The following VSNL1 variants were observed in gnomAD, a reference collection of about 807,000 sequenced individuals.
VSNL1 encodes visinin like 1, also known as visinin-like protein 1.
Under a neutral mutation model 20.4 loss-of-function variants are expected in VSNL1, and 6 were observed. That is an observed-to-expected ratio of 0.29 (90% CI 0.16 to 0.58). VSNL1 has a LOEUF of 0.58. VSNL1 is among the 20% of genes least tolerant of loss of function. The pLI, the probability that VSNL1 is intolerant of heterozygous loss-of-function variation, is 0.90. For missense variants in VSNL1, 100 were observed against 234.5 expected, an observed-to-expected ratio of 0.43 and a Z score of 3.75; for synonymous variants, 93 against 86.4, an observed-to-expected ratio of 1.08 and a Z score of -0.42.
chr2:17,542,679 G>T lies in VSNL1; in HGVS notation c.-6+1761G>T, dbSNP rs185200201. 5.4e-4 allele frequency among the ~76,000 whole-genome samples: 82 copies of T among 152,276 alleles called. 2 individuals carry two copies. Among genetic ancestry groups the T allele is most frequent in the Admixed American group, 4.4e-3 (68 of 15,294 alleles). ...TTGTCATAATTGAGCCATACTCCCT[G>T]TCATCATTGAGCATTGGCATCAGTT... On this transcript the variant is annotated intron_variant, in intron 1 of 3. Transcript: ENST00000295156.
chr2:17,609,647 T>C (rs1665037205), intron 2 of VSNL1, among the ~76,000 whole-genome samples: 1 of 152,176 alleles, frequency 6.6e-6, no homozygotes, highest in Non-Finnish European at 1.5e-5. Context: ...TCAAGAGTGG[T>C]TAGTGCTAAA....
At chr2:17,552,233 A>AC (rs1283089906) in intron 1 of VSNL1, among the ~76,000 whole-genome samples, 3 of 151,342 alleles carry the variant, frequency 2.0e-5, no homozygotes, top group Non-Finnish European at 2.9e-5. Context: ...CTTAGCACGT[A>AC]CAGTGCTCTG....
At chr2:17,647,605 T>C (rs1393071245) in intron 2 of VSNL1, among the ~76,000 whole-genome samples, 1 of 152,152 alleles carries the variant, frequency 6.6e-6, no homozygotes, top group East Asian at 1.9e-4. Context: ...AGCACCTAAG[T>C]AGCATTGGGG....
intron 1 of VSNL1, among the ~76,000 whole-genome samples, chr2:17,547,111 T>C (rs934274351): frequency 2.8e-4 from 42 of 151,958 alleles, no homozygotes; most frequent in African/African-American, 9.9e-4. Flanking sequence ...CAGAGAAAAT[T>C]ATGAGAGGAA....
intron 2 of VSNL1, among the ~76,000 whole-genome samples, chr2:17,628,810 C>A (rs1361485776): frequency 6.6e-6 from 1 of 152,222 alleles, no homozygotes; most frequent in Non-Finnish European, 1.5e-5. Flanking sequence ...CTGCTGGGAT[C>A]TTCAGGGAGG....
At chr2:17,644,745 G>C (rs188053659) in intron 2 of VSNL1, among the ~76,000 whole-genome samples, 1 of 152,342 alleles carries the variant, frequency 6.6e-6, no homozygotes, top group East Asian at 1.9e-4. Flanking sequence ...CTTGTTCCAC[G>C]AGACACACTC....
chr2:17,621,234 TCTTTC>T (rs1326762066), intron 2 of VSNL1, among the ~76,000 whole-genome samples: 1 of 151,990 alleles, frequency 6.6e-6, no homozygotes, highest in Non-Finnish European at 1.5e-5. Flanking sequence ...TCTCTTTCTT[TCTTTC>T]CTTCTTTTTC....
At chr2:17,563,327 C>T (rs566581050) in intron 1 of VSNL1, among the ~76,000 whole-genome samples, 2 of 152,294 alleles carry the variant, frequency 1.3e-5, no homozygotes, top group East Asian at 3.9e-4. Flanking sequence ...CCAGCAGATT[C>T]AGGCCTGTTG....
At chr2:17,643,148 G>A (rs1665919073) in intron 2 of VSNL1, among the ~76,000 whole-genome samples, 2 of 152,132 alleles carry the variant, frequency 1.3e-5, no homozygotes, top group African/African-American at 2.4e-5. Context: ...CTTATGCGTG[G>A]TTGCCTCTCC....
chr2:17,546,566 A>G (rs923411758), intron 1 of VSNL1, among the ~76,000 whole-genome samples: 1 of 151,992 alleles, frequency 6.6e-6, no homozygotes, highest in Non-Finnish European at 1.5e-5. Flanking sequence ...CGCTGGTGTT[A>G]CAGGAGACTA....
At chr2:17,595,904 G>A (rs1049164457) in intron 2 of VSNL1, among the ~76,000 whole-genome samples, 2 of 152,086 alleles carry the variant, frequency 1.3e-5, no homozygotes, top group East Asian at 1.9e-4. Context: ...CTTTTTTAAT[G>A]TCTTATTGTT....
chr2:17,576,470 T>G (rs1424105683), intron 1 of VSNL1, among the ~76,000 whole-genome samples: 1 of 152,228 alleles, frequency 6.6e-6, no homozygotes, highest in African/African-American at 2.4e-5. Flanking sequence ...TCTAGTGTTT[T>G]CTGGTGGGTT....
intron 2 of VSNL1, among the ~76,000 whole-genome samples, chr2:17,622,596 GAA>G (rs1379175869): frequency 6.5e-4 from 84 of 128,864 alleles, no homozygotes; most frequent in African/African-American, 2.3e-3. Context: ...AAGAAAGAAA[GAA>G]AGAAAAGAAA....
At chr2:17,555,930 CAA>C (rs1663664764) in intron 1 of VSNL1, among the ~76,000 whole-genome samples, 1 of 152,096 alleles carries the variant, frequency 6.6e-6, no homozygotes, top group Non-Finnish European at 1.5e-5. Context: ...ATCCTTAAGA[CAA>C]ATATCTTTTT....
At chr2:17,610,468 G>A (rs1380380232) in intron 2 of VSNL1, among the ~76,000 whole-genome samples, 1 of 152,124 alleles carries the variant, frequency 6.6e-6, no homozygotes, top group African/African-American at 2.4e-5. Flanking sequence ...AGTGAACCAG[G>A]TGGTGATGAA....
chr2:17,617,866 TACATGC>T (rs70961500), intron 2 of VSNL1, among the ~76,000 whole-genome samples: 8 of 151,212 alleles, frequency 5.3e-5, no homozygotes, highest in African/African-American at 1.5e-4. Flanking sequence ...TTCACCTGCA[TACATGC>T]ACATGCACAT....
intron 2 of VSNL1, among the ~76,000 whole-genome samples, chr2:17,635,484 G>C (rs1665729081): frequency 6.6e-6 from 1 of 152,202 alleles, no homozygotes; most frequent in Non-Finnish European, 1.5e-5. Flanking sequence ...TGGAGTTTAA[G>C]CTCAAAAGCT....
intron 2 of VSNL1, among the ~76,000 whole-genome samples, chr2:17,643,307 C>G (rs1265826469): frequency 6.6e-6 from 1 of 152,164 alleles, no homozygotes; most frequent in African/African-American, 2.4e-5. Flanking sequence ...GTCTTCCCAT[C>G]CATGTGACTA....
chr2:17,597,466 G>A (rs1381228549), intron 2 of VSNL1, among the ~76,000 whole-genome samples: 1 of 152,202 alleles, frequency 6.6e-6, no homozygotes, highest in Non-Finnish European at 1.5e-5. Flanking sequence ...CTCAGCTTGT[G>A]CCATTGCTCC....
Sources: allele counts gnomAD v4.1 joint callset (sites outside exome capture counted in the v4.1 genomes callset), GRCh38; gene constraint gnomAD v4.1.1; transcripts MANE v1.5; gene names NCBI Gene and HGNC (gene_info 2026-07-23, HGNC 2026-07-21).